The following STX2 variants were observed in gnomAD, a reference collection of about 807,000 sequenced individuals.
STX2 encodes the protein syntaxin-2.
A neutral mutation model predicts 40.6 loss-of-function variants in STX2; 27 were observed. That is an observed-to-expected ratio of 0.66 (90% confidence interval 0.49 to 0.92). The LOEUF (loss-of-function observed/expected upper bound fraction) is 0.92. Ranked by LOEUF, STX2 falls within the 40% of genes least tolerant of loss-of-function variation. The probability of loss-of-function intolerance (pLI) is 0.00; values close to 1 mark genes in which losing one functional copy is unlikely to be tolerated. For synonymous variants in STX2, 123 were observed against 119.1 expected (o/e 1.03, Z -0.22); for missense variants, 328 against 366.1 (o/e 0.90, Z 0.85).
At chr12:130,827,447 C>A (rs1177972024) in intron 1 of STX2, among the ~76,000 whole-genome samples, 180 bp from the exon 2 acceptor site, 1 of 152,220 alleles carries the variant, frequency 6.6e-6, no homozygotes, top group Non-Finnish European at 1.5e-5. Flanking sequence ...TTCAACACAA[C>A]AGATCCTGGC....
chr12:130,828,706 A>G (rs544905825), intron 1 of STX2, among the ~76,000 whole-genome samples: 1 of 151,582 alleles, frequency 6.6e-6, no homozygotes, highest in Non-Finnish European at 1.5e-5. Flanking sequence ...CTCTACTAAA[A>G]ATACAAAAAA....
At chr12:130,792,657 G>A (rs1950912811) in intron 10 of STX2, among the ~76,000 whole-genome samples, 1 of 152,036 alleles carries the variant, frequency 6.6e-6, no homozygotes, top group Non-Finnish European at 1.5e-5. Context: ...TAAGAGATGG[G>A]GTCTTGCTAT....
At chr12:130,830,967 A>C (rs914523080) in intron 1 of STX2, among the ~76,000 whole-genome samples, 1 of 152,258 alleles carries the variant, frequency 6.6e-6, no homozygotes. Flanking sequence ...ATTTCGGTTA[A>C]ATGTTAACAG....
chr12:130,824,580 G>C (rs1952231423), intron 2 of STX2, among the ~76,000 whole-genome samples: 1 of 152,150 alleles, frequency 6.6e-6, no homozygotes, highest in Admixed American at 6.5e-5. Context: ...AGAGAGAATG[G>C]TGCCAGCTAC....
chr12:130,836,317 C>A (rs191000257), intron 1 of STX2, among the ~76,000 whole-genome samples: 1 of 152,324 alleles, frequency 6.6e-6, no homozygotes, highest in East Asian at 1.9e-4. Context: ...GTTGCCCAGG[C>A]TGGAGGGCAG....
At chr12:130,804,515 G>A (rs528190823) in intron 6 of STX2, among the ~76,000 whole-genome samples, 2 of 152,188 alleles carry the variant, frequency 1.3e-5, no homozygotes, top group Admixed American at 6.5e-5. Context: ...AGACAGGGCC[G>A]GCTGCACACG....
intron 3 of STX2, among the ~76,000 whole-genome samples, chr12:130,813,988 T>A (rs1005302709): frequency 1.9e-4 from 29 of 152,206 alleles, no homozygotes; most frequent in African/African-American, 7.0e-4. Flanking sequence ...CTTTCAGAGA[T>A]GCCCACTCTC....
intron 3 of STX2, among the ~76,000 whole-genome samples, chr12:130,818,388 G>A (rs1386773681): frequency 2.1e-5 from 3 of 146,034 alleles, no homozygotes; most frequent in Non-Finnish European, 1.5e-5. Context: ...GGGTGGGGGG[G>A]AGAGGGCGGG....
At chr12:130,832,044 G>A (rs1220376077) in intron 1 of STX2, among the ~76,000 whole-genome samples, 1 of 151,796 alleles carries the variant, frequency 6.6e-6, no homozygotes, top group Non-Finnish European at 1.5e-5. Context: ...ATGAGGTCTG[G>A]CCATGTGGCC....
intron 10 of STX2, among the ~76,000 whole-genome samples, chr12:130,795,562 G>C (rs975209444): frequency 5.3e-4 from 81 of 152,180 alleles, no homozygotes; most frequent in African/African-American, 1.9e-3. Flanking sequence ...GAGAGTTCTC[G>C]TCTCTACTAA....
chr12:130,835,611 A>G (rs1271919781), intron 1 of STX2, among the ~76,000 whole-genome samples: 1 of 152,114 alleles, frequency 6.6e-6, no homozygotes, highest in Admixed American at 6.6e-5. Context: ...ATTTCATTAC[A>G]CCTCGGTCAC....
chr12:130,807,259 T>C (rs936412546), intron 5 of STX2, among the ~76,000 whole-genome samples, 169 bp from the exon 6 acceptor site: 5 of 152,190 alleles, frequency 3.3e-5, no homozygotes, highest in Admixed American at 2.0e-4. Context: ...GAACTTTGCA[T>C]GCATGATCTT....
intron 2 of STX2, among the ~76,000 whole-genome samples, chr12:130,822,720 C>T (rs1232662001): frequency 2.6e-5 from 4 of 152,208 alleles, no homozygotes; most frequent in African/African-American, 4.8e-5. Flanking sequence ...GATCTGGAGA[C>T]GGGAAATGAT....
At chr12:130,814,826 G>A (rs565907103) in intron 3 of STX2, among the ~76,000 whole-genome samples, 1 of 152,056 alleles carries the variant, frequency 6.6e-6, no homozygotes, top group East Asian at 1.9e-4. Context: ...TAGTAGAGAT[G>A]GGGTTTCGCC....
intron 1 of STX2, among the ~76,000 whole-genome samples, chr12:130,838,532 T>C (rs2136378005): frequency 6.6e-6 from 1 of 152,166 alleles, no homozygotes; most frequent in African/African-American, 2.4e-5. Flanking sequence ...CACTCTAAGG[T>C]GCCCACATTT....
intron 10 of STX2, among the ~76,000 whole-genome samples, chr12:130,795,611 A>C (rs1200838193): frequency 6.6e-6 from 1 of 152,108 alleles, no homozygotes; most frequent in African/African-American, 2.4e-5. Context: ...GTGCTGGTGC[A>C]CGTCTGTAGT....
chr12:130,827,298 T>C (rs768094270), intron 1 of STX2, 31 bp from the exon 2 acceptor site: 3 of 1,584,930 alleles, frequency 1.9e-6, no homozygotes, highest in Admixed American at 3.3e-5. Flanking sequence ...TTCAGTTTTT[T>C]AAAATTTTTA....
intron 6 of STX2, among the ~76,000 whole-genome samples, chr12:130,802,291 G>A (rs1206323752): frequency 2.6e-5 from 4 of 152,022 alleles, no homozygotes; most frequent in Admixed American, 6.6e-5. Flanking sequence ...TCTTCCTCCC[G>A]GGTTCAAGCA....
intron 6 of STX2, among the ~76,000 whole-genome samples, chr12:130,802,937 T>C (rs2037790): frequency 0.99 from 150,089 of 152,328 alleles, 73,968 homozygotes; most frequent in East Asian, 1. Context: ...AATGCAGTTG[T>C]CTTGGGCTAG....
Sources: gnomAD v4.1 joint callset for allele counts (sites outside exome capture counted in the v4.1 genomes callset) on GRCh38, gnomAD v4.1.1 for gene constraint, MANE v1.5 for transcripts, NCBI Gene and HGNC (gene_info 2026-07-23, HGNC 2026-07-21) for gene names.